OXNAD1: variants seen among roughly 807,000 people sequenced by gnomAD.
OXNAD1 encodes oxidoreductase NAD-binding domain-containing protein 1.
A neutral mutation model predicts 32.9 loss-of-function variants in OXNAD1; 34 were observed. The ratio of observed to expected loss-of-function variants is 1.03; its 90% confidence interval spans 0.79 to 1.38. The LOEUF (loss-of-function observed/expected upper bound fraction) is 1.38, where lower values mean the gene tolerates loss of function less well. OXNAD1 is among the 40% of genes most tolerant of loss of function. The pLI is 0.00. For missense variants in OXNAD1, 407 were observed against 379.4 expected, an observed-to-expected ratio of 1.07 and a Z score of -0.60; for synonymous variants, 134 against 135.2, an observed-to-expected ratio of 0.99 and a Z score of 0.06.
chr3:16,283,485 A>C (rs2065885632), intron 4 of OXNAD1, among the ~76,000 whole-genome samples: 1 of 152,242 alleles, frequency 6.6e-6, no homozygotes, highest in Non-Finnish European at 1.5e-5. Flanking sequence ...TTGGGATATA[A>C]TATGATTATT....
chr3:16,343,501 C>G (rs916374228), intron 9 of OXNAD1, among the ~76,000 whole-genome samples: 2 of 152,178 alleles, frequency 1.3e-5, no homozygotes, highest in African/African-American at 4.8e-5. Flanking sequence ...AGGTGTCTCC[C>G]GCATCACTGT....
chr3:16,326,199 TGA>T (rs1440913687), intron 9 of OXNAD1, among the ~76,000 whole-genome samples: 1 of 152,228 alleles, frequency 6.6e-6, no homozygotes, highest in East Asian at 1.9e-4. Context: ...TAAGCAGAGC[TGA>T]GAGTGGACAA....
intron 9 of OXNAD1, among the ~76,000 whole-genome samples, chr3:16,313,395 T>A (rs1431724118): frequency 6.6e-6 from 1 of 151,562 alleles, no homozygotes; most frequent in African/African-American, 2.4e-5. Context: ...GGGCTGGGAG[T>A]CCCTGAAGCT....
Position 16,294,964 on chromosome 3 carries a change from G to A in OXNAD1, c.399G>A (p.Thr133=), listed in dbSNP as rs912948471. The A allele has an allele frequency of 1.2e-5, 20 of 1,612,774 alleles. No homozygotes were observed. The highest frequency in any genetic ancestry group is 3.3e-5 in the Admixed American group (2 of 59,876). The change falls in exon 6 of 9, where the codon ACG becomes ACA. Residue 133 remains threonine, a synonymous_variant. Coordinates refer to ENST00000285083, the MANE Select transcript of OXNAD1 (RefSeq NM_138381.5). ...ERVIELAVKY[T]NHPPALWVHN... ...TGATAGAATTGGCAGTGAAATATAC[G>A]AACCACCCTCCTGCCCTCTGGGTTC...
chr3:16,310,675 G>C (rs2125124427), downstream of OXNAD1, among the ~76,000 whole-genome samples: 1 of 152,236 alleles, frequency 6.6e-6, no homozygotes, highest in East Asian at 1.9e-4. Context: ...GGCTTTGCTG[G>C]AATTGCCAAC....
In OXNAD1 at chr3:16,345,447, C is replaced by T. The variant is rs2071590283; in HGVS notation, c.*31-3729C>T. On this transcript the variant is annotated intron_variant, in intron 9 of 9. Transcript: ENST00000606098. This position sits in a 1 kb window ranked among gnomAD's most constrained non-coding sequence, Gnocchi z 5.2. ...TTTTGGGCATGTTGTGAGGGTGTTT[C>T]TGGAAAAGATTAGCATTTGAATGGG... Among the ~76,000 whole-genome samples, 1 of 152,132 alleles carries T rather than the reference C, an allele frequency of 6.6e-6. No individual in the cohort carries two copies.
chr3:16,270,615 A>G (rs867399399), intron 2 of OXNAD1, among the ~76,000 whole-genome samples: 3 of 152,364 alleles, frequency 2.0e-5, no homozygotes, highest in Middle Eastern at 3.4e-3. Context: ...ATTATCAGGA[A>G]GTTATAAAAT....
intron 4 of OXNAD1, among the ~76,000 whole-genome samples, chr3:16,274,104 C>T (rs73037458): frequency 3.3e-5 from 5 of 150,300 alleles, no homozygotes; most frequent in Non-Finnish European, 5.9e-5. Context: ...TCTCTGAGTA[C>T]GCTCACACTC....
In OXNAD1 at chr3:16,279,202, G is replaced by A. The variant is rs138634041; in HGVS notation, c.184-7140G>A. Among the ~76,000 whole-genome samples, 337 of 152,310 alleles carry A rather than the reference G, an allele frequency of 2.2e-3. 2 individuals are homozygous for A. Among genetic ancestry groups the A allele is most frequent in the African/African-American group, 7.6e-3 (314 of 41,576 alleles). On this transcript the variant is annotated intron_variant, in intron 4 of 8. Coordinates refer to ENST00000285083, the MANE Select transcript of OXNAD1 (RefSeq NM_138381.5). ...CAGAGCAGGTGGAGAGAAACCTCAG[G>A]CACTCACTGCCTGGAGGTAGTTGTA...
At chr3:16,341,563 ACT>A (rs1327493951), downstream of OXNAD1, among the ~76,000 whole-genome samples, 1 of 152,186 alleles carries the variant, frequency 6.6e-6, no homozygotes, top group Non-Finnish European at 1.5e-5. The surrounding 1 kb of genome is among the most constrained non-coding windows in gnomAD (Gnocchi z 4.7). Flanking sequence ...CTGTATGGGA[ACT>A]CTGTAGATTC....
chr3:16,271,678 A>T lies in OXNAD1; in HGVS notation c.139A>T (p.Lys47Ter), dbSNP rs748915909. 7 of 1,605,576 alleles carry T rather than the reference A, an allele frequency of 4.4e-6. No individual in the cohort carries two copies. The highest frequency in any genetic ancestry group is 4.2e-6 in the Non-Finnish European group (5 of 1,177,860). Residue 47 changes from lysine to a stop codon, truncating the protein, a stop_gained, in exon 4 of 9, where the codon AAA (lysine) becomes TAA (stop). Transcript: ENST00000285083. LOFTEE classifies it high-confidence loss of function. The surrounding 1 kb of genome is among the most constrained non-coding windows in gnomAD (Gnocchi z 4.6). ...TLTSIMKSKR[K>*]TDHMERTASV... ...TTAAAGCATAATGAAATCCAAAAGG[A>T]AAACTGATCACATGGAGAGAACTGC... is the stretch of plus-strand genomic sequence containing the variant.
At chr3:16,343,209 G>A (rs946429585) in intron 9 of OXNAD1, among the ~76,000 whole-genome samples, 4 of 152,166 alleles carry the variant, frequency 2.6e-5, no homozygotes, top group African/African-American at 9.7e-5. Context: ...CACTGCGCTA[G>A]TCCTTCCTGC....
At chr3:16,275,044 A>C (rs563816990) in intron 4 of OXNAD1, 1 of 153,502 alleles carries the variant, frequency 6.5e-6, no homozygotes, top group Non-Finnish European at 1.5e-5. Flanking sequence ...ATAGCTTTAA[A>C]GCCTTTTTAC....
rs1212765276 is a variant in OXNAD1, at chr3:16,277,299, A to T, written c.183+5577A>T. Among the ~76,000 whole-genome samples, 3 of 152,138 alleles carry T rather than the reference A, an allele frequency of 2.0e-5. No homozygotes were observed. In the East Asian group the frequency reaches 5.8e-4, roughly 29 times the overall value. ...ACTGCGAAGAGTTGGGAGGAACTGG[A>T]GAAAGCTAGATGGTATCTGGCTTTC... On this transcript the variant is annotated intron_variant, in intron 4 of 8. Transcript: ENST00000285083. The surrounding 1 kb of genome is among the most constrained non-coding windows in gnomAD (Gnocchi z 4.3).
chr3:16,309,685 G>C (rs1482221789), downstream of OXNAD1, among the ~76,000 whole-genome samples: 1 of 151,326 alleles, frequency 6.6e-6, no homozygotes, highest in East Asian at 1.9e-4. Flanking sequence ...GGCTGTGTGG[G>C]ATGGTGGGAG....
intron 4 of OXNAD1, 37 bp from the exon 5 acceptor site, chr3:16,286,305 G>C: frequency 1.3e-6 from 2 of 1,487,148 alleles, no homozygotes; most frequent in Non-Finnish European, 1.9e-6. Flanking sequence ...TGCTGTGTAC[G>C]CACTAACCTC....
intron 9 of OXNAD1, among the ~76,000 whole-genome samples, chr3:16,333,456 A>G (rs1323145179): frequency 6.6e-6 from 1 of 150,954 alleles, no homozygotes; most frequent in Non-Finnish European, 1.5e-5. Flanking sequence ...ATCTGAGAAT[A>G]TGAGAATTGC....
chr3:16,269,066 G>A (rs2064753715), intron 1 of OXNAD1, 60 bp from the exon 2 acceptor site: 1 of 1,371,084 alleles, frequency 7.3e-7, no homozygotes, highest in African/African-American at 1.5e-5. Context: ...CAGCTAAGAG[G>A]TAATAGTGCT....
At position 16,277,962 on chromosome 3, in the gene OXNAD1, G is replaced by A. The variant is rs1391876862; in HGVS notation, c.183+6240G>A. ...GAGATAAAGATAGAAATACTGTAAT[G>A]CAGTAAAGATTGTTCAGGCAAGACA... On this transcript the variant is annotated intron_variant, in intron 4 of 8. Coordinates refer to ENST00000285083, the MANE Select transcript of OXNAD1 (RefSeq NM_138381.5). This position sits in a 1 kb window ranked among gnomAD's most constrained non-coding sequence, Gnocchi z 4.3. 1.3e-5 allele frequency among the ~76,000 whole-genome samples: 2 copies of A among 152,214 alleles called. No homozygotes were observed. The highest frequency in any genetic ancestry group is 2.4e-5 in the African/African-American group (1 of 41,440).
Sources: allele counts gnomAD v4.1 joint callset (sites outside exome capture counted in the v4.1 genomes callset), GRCh38; gene constraint gnomAD v4.1.1; non-coding constraint Gnocchi (gnomAD v3.1); transcripts MANE v1.5; gene names NCBI Gene and HGNC (gene_info 2026-07-23, HGNC 2026-07-21).